DHX37: variants seen among roughly 807,000 people sequenced by gnomAD.
DHX37 encodes the protein probable ATP-dependent RNA helicase DHX37.
DHX37 carries 52 observed loss-of-function variants against 134.3 expected under a neutral mutation model. The ratio of observed to expected loss-of-function variants is 0.39; its 90% CI spans 0.31 to 0.49. The LOEUF (loss-of-function observed/expected upper bound fraction) is 0.49. DHX37 is among the 20% of genes least tolerant of loss of function. DHX37 has a pLI of 0.93. For missense variants in DHX37, 1,344 were observed against 1,580.8 expected (o/e 0.85, Z 2.54); for synonymous variants, 634 against 670.7 (o/e 0.95, Z 0.85).
intron 21 of DHX37, among the ~76,000 whole-genome samples, chr12:124,951,583 G>A (rs958585382): frequency 7.2e-5 from 11 of 152,190 alleles, no homozygotes; most frequent in African/African-American, 2.4e-4. Flanking sequence ...CCACTGAATT[G>A]AACACTTTAA....
intron 15 of DHX37, among the ~76,000 whole-genome samples, chr12:124,962,423 A>C (rs936771486): frequency 3.2e-4 from 48 of 152,218 alleles, no homozygotes; most frequent in African/African-American, 1.1e-3. Context: ...TGGGAGGCTG[A>C]GGCAGGTGGA....
At chr12:124,972,391 G>A (rs1378230899) in intron 7 of DHX37, 112 bp downstream of exon 7, 1 of 1,057,046 alleles carries the variant, frequency 9.5e-7, no homozygotes, top group Non-Finnish European at 1.5e-6. Flanking sequence ...CAGCACCGTG[G>A]GAGTGCTGGA....
chr12:124,967,053 C>A, intron 11 of DHX37, 70 bp downstream of exon 11: 1 of 1,579,048 alleles, frequency 6.3e-7, no homozygotes, highest in Non-Finnish European at 8.7e-7. Context: ...AGGAGCTGCA[C>A]CCCAGCCAGG....
At chr12:124,950,828 G>C in intron 21 of DHX37, 24 bp from the exon 22 acceptor site, 1 of 1,582,050 alleles carries the variant, frequency 6.3e-7, no homozygotes, top group Non-Finnish European at 8.5e-7. Flanking sequence ...AGAGTGATGT[G>C]GTCAGGGAAG....
intron 15 of DHX37, among the ~76,000 whole-genome samples, chr12:124,961,373 A>T (rs1954261638): frequency 6.6e-6 from 1 of 152,214 alleles, no homozygotes; most frequent in African/African-American, 2.4e-5. Context: ...ATTAGGAGAA[A>T]ATATTTGTCA....
chr12:124,987,401 G>T (rs1385832559), intron 1 of DHX37, among the ~76,000 whole-genome samples: 3 of 152,250 alleles, frequency 2.0e-5, no homozygotes, highest in East Asian at 1.9e-4. Flanking sequence ...GATTCCTCTG[G>T]CCCCTGAGAA....
chr12:124,968,238 C>T (rs1954436753), intron 10 of DHX37, among the ~76,000 whole-genome samples: 1 of 152,118 alleles, frequency 6.6e-6, no homozygotes, highest in Non-Finnish European at 1.5e-5. Flanking sequence ...GCCCGTTCCC[C>T]TACAGTGTCT....
chr12:124,962,358 T>TA (rs1954282656), intron 15 of DHX37, among the ~76,000 whole-genome samples: 1 of 151,890 alleles, frequency 6.6e-6, no homozygotes, highest in African/African-American at 2.4e-5. Context: ...CCGTCTCTAC[T>TA]AAAAATCTAA....
chr12:124,988,955 C>T lies in DHX37; in HGVS notation c.68G>A (p.Gly23Asp). 7.4e-7 allele frequency: 1 copy of T among 1,344,182 alleles called. No individual in the cohort carries two copies. The highest frequency in any genetic ancestry group is 9.6e-7 in the Non-Finnish European group (1 of 1,038,846). 83.3% of individuals were successfully genotyped at this position (1,344,182 alleles called of 1,614,324 possible). A position where few individuals can be genotyped will look rare whatever the true frequency, so the allele number is the denominator to read the frequency against. ...RQQAGPGPSK[G>D]PPEPPPVQLE... ...CTGCACGGGGGGCGGCTCGGGGGGGCCCTTCGAGGGTCCGGGGCCCGCCTG... is the reference window on the plus strand; with the variant it reads ...CTGCACGGGGGGCGGCTCGGGGGGGTCCTTCGAGGGTCCGGGGCCCGCCTG... The change falls in exon 1 of 27, where the codon GGC (glycine) becomes GAC (aspartate). Residue 23 changes from glycine to aspartate, a missense_variant. This residue lies in a region of DHX37 where 319 missense variants were observed against 296.1 expected (regional missense o/e 1.08). Transcript: ENST00000308736.
In DHX37 at chr12:124,949,436, G is replaced by A. The variant is rs1260635653; in HGVS notation, c.3290+550C>T. On this transcript the variant is annotated intron_variant, in intron 25 of 26. Transcript: ENST00000308736. This position sits in a 1 kb window ranked among gnomAD's most constrained non-coding sequence, Gnocchi z 4.0. The stretch of plus-strand genomic sequence containing the variant: ...GCAGAGGGCAAGGGTGAGCCCTGAA[G>A]CAGAGGTGGTGGGCGGGATGGGGCA... 6.6e-6 allele frequency among the ~76,000 whole-genome samples: 1 copy of A among 151,480 alleles called. No homozygotes were observed. The highest frequency in any genetic ancestry group is 1.5e-5 in the Non-Finnish European group (1 of 67,876).
intron 13 of DHX37, among the ~76,000 whole-genome samples, chr12:124,965,217 G>A (rs923265397): frequency 5.9e-5 from 9 of 152,206 alleles, no homozygotes; most frequent in South Asian, 2.1e-4. Flanking sequence ...GCCCTGAACC[G>A]GATCTGAACC....
intron 2 of DHX37, among the ~76,000 whole-genome samples, chr12:124,983,386 C>G (rs993108030): frequency 6.7e-6 from 1 of 149,522 alleles, no homozygotes; most frequent in African/African-American, 2.5e-5. Context: ...CGTGAGCCAC[C>G]GCGCCCAGCC....
At chr12:124,979,735 CCT>C (rs1269693973) in intron 4 of DHX37, among the ~76,000 whole-genome samples, 2 of 152,176 alleles carry the variant, frequency 1.3e-5, no homozygotes, top group Non-Finnish European at 2.9e-5. Flanking sequence ...AGGCCAAGCC[CCT>C]GAGTGACCGC....
chr12:124,963,934 G>A (rs1462461728), intron 15 of DHX37, among the ~76,000 whole-genome samples: 1 of 149,880 alleles, frequency 6.7e-6, no homozygotes, highest in African/African-American at 2.5e-5. Flanking sequence ...AGGCATGGTG[G>A]CTCACCTGAA....
chr12:124,968,484 G>A (rs376152074), intron 10 of DHX37, 50 bp downstream of exon 10: 32 of 1,599,936 alleles, frequency 2.0e-5, no homozygotes, highest in South Asian at 1.7e-4. Context: ...TGCTTTCAGC[G>A]AGGGTTTAGG....
Position 124,986,178 on chromosome 12 carries a change from G to A in DHX37, c.194C>T (p.Ser65Leu), listed in dbSNP as rs1033262608. 1.9e-6 allele frequency: 3 copies of A among 1,614,102 alleles called. No individual in the cohort carries two copies. The highest frequency in any genetic ancestry group is 1.3e-5 in the African/African-American group (1 of 75,016). ...KKKKTKAPPL[S>L]KKEKKPLTKK... ...GGTCAGAGGCTTCTTCTCCTTCTTC[G>A]ACAGGGGAGGGGCTTTGGTCTTCTT... Residue 65 changes from serine to leucine, a missense_variant, in exon 2 of 27, where the codon TCG becomes TTG. Transcript: ENST00000308736.
In DHX37 at chr12:124,975,640, C is replaced by A. The variant is rs1443447800; in HGVS notation, c.888-129G>T. On this transcript the variant is annotated intron_variant, in intron 5 of 26. Coordinates refer to ENST00000308736, the MANE Select transcript of DHX37 (RefSeq NM_032656.4). Reference sequence around the variant, plus strand: ...CACCCAGGGGCGGTGGGAAACAGTGCCAGGTTGCACTACTTTTAACAGCAA... The same window carrying A: ...CACCCAGGGGCGGTGGGAAACAGTGACAGGTTGCACTACTTTTAACAGCAA... 3.4e-6 allele frequency: 3 copies of A among 890,988 alleles called. No homozygotes were observed. In the Admixed American group the frequency reaches 7.2e-5, roughly 21 times the overall value. 55.2% of individuals were successfully genotyped at this position (890,988 alleles called of 1,614,324 possible). A position where few individuals can be genotyped will look rare whatever the true frequency, so the allele number is the denominator to read the frequency against.
intron 7 of DHX37, among the ~76,000 whole-genome samples, chr12:124,972,071 C>T (rs1954535415): frequency 6.6e-6 from 1 of 152,236 alleles, no homozygotes; most frequent in South Asian, 2.1e-4. Context: ...GAGTCTGGTG[C>T]TGCCCCTCAC....
At position 124,950,140 on chromosome 12, in the gene DHX37, G is replaced by A. The variant is rs749849532; in HGVS notation, c.3216+9C>T. 4 of 1,613,876 alleles carry A rather than the reference G, an allele frequency of 2.5e-6. No homozygotes were observed. The African/African-American group carries it at 4.0e-5, about 16-fold the overall frequency. On this transcript the variant is annotated intron_variant, in intron 24 of 26. Transcript: ENST00000308736. ...CGAGATGAGGGTCTGGAGCCGCTGT[G>A]CCACCTACCTGCCCTTCCAGCAGGA...
Sources: gnomAD v4.1 joint callset for allele counts (sites outside exome capture counted in the v4.1 genomes callset) on GRCh38, gnomAD v4.1.1 for gene constraint, gnomAD v4.1.1 regional missense constraint, Gnocchi (gnomAD v3.1) non-coding constraint, MANE v1.5 for transcripts, NCBI Gene and HGNC (gene_info 2026-07-23, HGNC 2026-07-21) for gene names.